TUT4: variants seen among roughly 807,000 people sequenced by gnomAD.
TUT4 encodes the protein terminal uridylyltransferase 4.
In TUT4, 36 loss-of-function variants were observed where a neutral mutation model predicts 192.2. The observed-to-expected ratio is 0.19, with a 90% CI of 0.14 to 0.25. TUT4 has a LOEUF of 0.25. Among genes scored for constraint, TUT4 ranks in the 10% least tolerant of loss-of-function variants. The pLI, the probability that TUT4 is intolerant of heterozygous loss-of-function variation, is 1.00. For missense variants in TUT4, 1,493 were observed against 1,957.2 expected (o/e 0.76, Z 4.47); for synonymous variants, 618 against 666.0 (o/e 0.93, Z 1.11).
At chr1:52,522,689 GC>G (rs1680591256) in intron 2 of TUT4, among the ~76,000 whole-genome samples, 1 of 152,188 alleles carries the variant, frequency 6.6e-6, no homozygotes, top group Non-Finnish European at 1.5e-5. Context: ...ACTTTGGGAG[GC>G]TGAGGCAGGC....
chr1:52,425,522 G>A lies in TUT4; in HGVS notation c.4712-15C>T. The A allele has an allele frequency of 1.3e-6, 2 of 1,599,300 alleles. No individual in the cohort carries two copies. Among genetic ancestry groups the A allele is most frequent in the East Asian group, 4.5e-5 (2 of 44,564 alleles). On this transcript the variant is annotated splice_polypyrimidine_tract_variant and intron_variant, in intron 28 of 29. Transcript: ENST00000257177. ...AAAGCCTGGCTCTGCATTTCAACAA[G>A]AGGGAAAAAGACATTTAAAAACATT...
At position 52,465,191 on chromosome 1, in the gene TUT4, A is replaced by C. The variant is rs773839944; in HGVS notation, c.2966-18T>G. The C allele has an allele frequency of 6.3e-7, 1 of 1,596,726 alleles. No individual in the cohort carries two copies. The highest frequency in any genetic ancestry group is 8.6e-7 in the Non-Finnish European group (1 of 1,165,616). ...TGCCTTTTCTAAGCAAAGGAAAACA[A>C]AGTCCAAGGCCTTATTATAAGCAGA... is the stretch of plus-strand genomic sequence containing the variant. On this transcript the variant is annotated intron_variant, in intron 15 of 29. Transcript: ENST00000257177.
At chr1:52,495,696 T>C (rs989054932) in intron 5 of TUT4, among the ~76,000 whole-genome samples, 181 bp from the exon 6 acceptor site, 2 of 152,152 alleles carry the variant, frequency 1.3e-5, no homozygotes, top group African/African-American at 2.4e-5. Context: ...TTCCCAGTTA[T>C]GGAGTGTAGG....
chr1:52,485,731 A>T (rs1468221536), intron 9 of TUT4, among the ~76,000 whole-genome samples: 3 of 152,072 alleles, frequency 2.0e-5, no homozygotes, highest in African/African-American at 7.2e-5. Flanking sequence ...AGACTTCCTG[A>T]TATTAAACCA....
intron 29 of TUT4, chr1:52,425,007 A>C (rs2148006950): frequency 5.7e-6 from 1 of 174,544 alleles, no homozygotes; most frequent in Non-Finnish European, 1.2e-5. Flanking sequence ...CTAGGCAAAA[A>C]AAAAATTCCT....
At chr1:52,503,029 C>T (rs1001254909) in intron 4 of TUT4, among the ~76,000 whole-genome samples, 3 of 152,166 alleles carry the variant, frequency 2.0e-5, no homozygotes, top group Admixed American at 1.3e-4. Context: ...GATGTTATGT[C>T]ATTTAATTCT....
At chr1:52,432,543 T>A (rs1652432988) in intron 27 of TUT4, 1 of 152,156 alleles carries the variant, frequency 6.6e-6, no homozygotes, top group South Asian at 2.1e-4. Context: ...CACTGAAGGG[T>A]TTTAAACAGG....
intron 1 of TUT4, among the ~76,000 whole-genome samples, chr1:52,544,041 C>T (rs1290743066): frequency 6.6e-6 from 1 of 151,976 alleles, no homozygotes; most frequent in African/African-American, 2.4e-5. Flanking sequence ...GTAATCCCAG[C>T]ACTTCGGGAG....
intron 15 of TUT4, among the ~76,000 whole-genome samples, chr1:52,465,413 G>A (rs754599218): frequency 2.0e-5 from 3 of 152,112 alleles, no homozygotes; most frequent in Non-Finnish European, 2.9e-5. Flanking sequence ...CATTCAACAC[G>A]TCTGAACTAT....
intron 1 of TUT4, among the ~76,000 whole-genome samples, chr1:52,541,266 C>T (rs113417544): frequency 0.062 from 9,261 of 149,720 alleles, 306 homozygotes; most frequent in South Asian, 0.087. Context: ...GGCACGGGGG[C>T]TCACGCCTGT....
rs371970634 is a variant in TUT4, at chr1:52,481,916, T to C, written c.1523A>G (p.Tyr508Cys). 7.8e-6 allele frequency: 12 copies of C among 1,533,434 alleles called. No homozygotes were observed. Among genetic ancestry groups the C allele is most frequent in the African/African-American group, 7.1e-5 (5 of 70,830 alleles). The allele number at this position is 1,533,434 out of a possible 1,614,324, so 95.0% of individuals were successfully genotyped here. Residue 508 changes from tyrosine to cysteine, a missense_variant, in exon 10 of 30, where the codon TAT becomes TGT. By Grantham distance (194) the Tyr-to-Cys change is radical (BLOSUM62 -2). Around this residue, in one of 7 missense-constraint regions of TUT4, gnomAD observed 437 missense variants for 577.6 expected, o/e 0.76. Transcript: ENST00000257177. ...LAFRYWAKLC[Y>C]IDSQTDGGIP... Reference sequence around the variant, plus strand: ...TCCACCATCAGTTTGGGAGTCAATATAGCACAACTGCAAAATGAAGGGGAA... The same window carrying C: ...TCCACCATCAGTTTGGGAGTCAATACAGCACAACTGCAAAATGAAGGGGAA...
chr1:52,507,249 T>G (rs7517892), intron 4 of TUT4, among the ~76,000 whole-genome samples: 5,037 of 152,322 alleles, frequency 0.033, 206 homozygotes, highest in African/African-American at 0.097. Context: ...GGATTTCTTT[T>G]TGTGCAGTTT....
chr1:52,505,298 C>T (rs749847890), intron 4 of TUT4, among the ~76,000 whole-genome samples: 1 of 151,932 alleles, frequency 6.6e-6, no homozygotes, highest in Non-Finnish European at 1.5e-5. Context: ...CATTATATTG[C>T]CCAGGCTGAT....
intron 1 of TUT4, among the ~76,000 whole-genome samples, chr1:52,542,874 G>A (rs1288199241): frequency 1.3e-5 from 2 of 151,782 alleles, no homozygotes; most frequent in African/African-American, 2.4e-5. Context: ...CGATTCTCCT[G>A]CCTCACCCTC....
In TUT4 at chr1:52,475,021, T is replaced by C. The variant is rs1666735680; in HGVS notation, c.2538A>G (p.Lys846=). Residue 846 remains lysine, a synonymous_variant, in exon 13 of 30, where the codon AAA becomes AAG. Coordinates refer to ENST00000257177, the MANE Select transcript of TUT4 (RefSeq NM_001009881.3). ...IDLSKSPDPD[K]STGTDCRSNL... is the part of the protein sequence containing the mutation. ...TTGACCTGCAGTCTGTTCCAGTAGA[T>C]TTATCTGGGTCAGGCGACTTAGACA... The C allele has an allele frequency of 1.2e-6, 2 of 1,614,076 alleles. No homozygotes were observed. The highest frequency in any genetic ancestry group is 1.7e-6 in the Non-Finnish European group (2 of 1,180,042).
rs372608700 is a variant in TUT4 at position 52,526,016 on chromosome 1, C to T, written c.265G>A (p.Val89Ile). 6.2e-6 allele frequency: 10 copies of T among 1,614,048 alleles called. No individual in the cohort carries two copies. In the African/African-American group the frequency reaches 1.1e-4, roughly 17 times the overall value. The change falls in exon 2 of 30, where the codon GTC (valine) becomes ATC (isoleucine). Residue 89 changes from valine to isoleucine, a missense_variant. Physicochemically the swap from Val to Ile is conservative, Grantham distance 29. This residue lies in a region of TUT4 where 260 missense variants were observed against 247.8 expected (regional missense o/e 1.05). Transcript: ENST00000257177. ...TTGCAATGACTTTGATCTCGAAGGA[C>T]TAACCCCAAATCTTTAGGACCTGGA... ...NLPGPKDLGL[V>I]LRDQSHCKAK...
Position 52,446,572 on chromosome 1 carries a change from A to G in TUT4, c.3513+18T>C. 6.3e-7 allele frequency: 1 copy of G among 1,589,942 alleles called. No homozygotes were observed. The highest frequency in any genetic ancestry group is 8.6e-7 in the Non-Finnish European group (1 of 1,168,550). ...TATCAGTGAGCATTCTAGAACATAA[A>G]GACTATTTTAAAATTACCAGTTCTT... is the stretch of plus-strand genomic sequence containing the variant. On this transcript the variant is annotated intron_variant, in intron 21 of 29. Transcript: ENST00000257177.
At chr1:52,482,541 G>A (rs1211492005) in intron 9 of TUT4, among the ~76,000 whole-genome samples, 1 of 152,128 alleles carries the variant, frequency 6.6e-6, no homozygotes, top group African/African-American at 2.4e-5. Context: ...CCAGCCTCAA[G>A]TGATCCTTCC....
At chr1:52,470,473 AC>A (rs1387659652) in intron 14 of TUT4, among the ~76,000 whole-genome samples, 1 of 152,142 alleles carries the variant, frequency 6.6e-6, no homozygotes, top group Non-Finnish European at 1.5e-5. Flanking sequence ...ACCCAGACCC[AC>A]CCAGCCAAAA....
Sources: allele counts gnomAD v4.1 joint callset (sites outside exome capture counted in the v4.1 genomes callset), GRCh38; gene constraint gnomAD v4.1.1; regional missense constraint gnomAD v4.1.1; transcripts MANE v1.5; gene names NCBI Gene and HGNC (gene_info 2026-07-23, HGNC 2026-07-21).